The following MACROD2 variants were observed in gnomAD, a reference collection of about 807,000 sequenced individuals.
MACROD2 encodes mono-ADP ribosylhydrolase 2.
In MACROD2, 36 loss-of-function variants were observed where a neutral mutation model predicts 70.4. That is an observed-to-expected ratio of 0.51 (90% CI 0.39 to 0.68). The LOEUF (loss-of-function observed/expected upper bound fraction) is 0.68, where lower values mean the gene tolerates loss of function less well. MACROD2 is among the 30% of genes least tolerant of loss of function. MACROD2 has a pLI of 0.00. For synonymous variants in MACROD2, 172 were observed against 178.8 expected (o/e 0.96, Z 0.30); for missense variants, 496 against 538.4 (o/e 0.92, Z 0.78).
At chr20:14,974,641 G>A (rs2074721944) in intron 5 of MACROD2, among the ~76,000 whole-genome samples, 1 of 151,836 alleles carries the variant, frequency 6.6e-6, no homozygotes, top group South Asian at 2.1e-4. Context: ...ATTGCAGGAA[G>A]TGACCTCTAG....
chr20:14,653,520 A>AAT (rs1985803670), intron 4 of MACROD2, among the ~76,000 whole-genome samples: 1 of 132,268 alleles, frequency 7.6e-6, no homozygotes, highest in Non-Finnish European at 1.5e-5. Context: ...GCCCGGCTGC[A>AAT]ATTTTTTTTT....
chr20:15,408,298 G>A (rs533540505), intron 6 of MACROD2, among the ~76,000 whole-genome samples: 10 of 152,240 alleles, frequency 6.6e-5, no homozygotes, highest in African/African-American at 1.7e-4. Flanking sequence ...TGGCATCAAC[G>A]GACGACAGGT....
intron 3 of MACROD2, among the ~76,000 whole-genome samples, chr20:14,219,400 GCTAT>G (rs1346923217): frequency 6.6e-6 from 1 of 151,284 alleles, no homozygotes; most frequent in East Asian, 1.9e-4. Flanking sequence ...TTTTCTTTAA[GCTAT>G]CTATTTCCTT....
At chr20:15,923,471 G>A (rs2065442746) in intron 10 of MACROD2, among the ~76,000 whole-genome samples, 1 of 152,146 alleles carries the variant, frequency 6.6e-6, no homozygotes, top group South Asian at 2.1e-4. Context: ...TACAATTCAA[G>A]TTGAGATTTA....
In MACROD2 at chr20:14,298,098, C is replaced by T. The variant is rs955595132; in HGVS notation, c.272-195381C>T. Among the ~76,000 whole-genome samples, 10 of 152,026 alleles carry T rather than the reference C, an allele frequency of 6.6e-5. 1 individual carries two copies. The highest frequency in any genetic ancestry group is 1.9e-4 in the African/African-American group (8 of 41,340). On this transcript the variant is annotated intron_variant, in intron 3 of 17. Coordinates refer to ENST00000684519, the MANE Select transcript of MACROD2 (RefSeq NM_001351661.2). ...TTTAAGTCCTCTATTGAGACCTACT[C>T]CTGAGAAAGAAAGATTATTTTCAAA...
At chr20:14,427,769 A>G (rs2083950070) in intron 3 of MACROD2, among the ~76,000 whole-genome samples, 1 of 152,102 alleles carries the variant, frequency 6.6e-6, no homozygotes, top group South Asian at 2.1e-4. Flanking sequence ...TCCATGTCAA[A>G]TGGCAGAGCT....
intron 5 of MACROD2, among the ~76,000 whole-genome samples, chr20:14,756,873 TC>T (rs945228004): frequency 6.6e-6 from 1 of 152,070 alleles, no homozygotes; most frequent in Non-Finnish European, 1.5e-5. Context: ...GTGAGTGAGT[TC>T]TCGTGGGATC....
At chr20:14,035,372 G>T (rs909609889) in intron 2 of MACROD2, among the ~76,000 whole-genome samples, 2 of 152,172 alleles carry the variant, frequency 1.3e-5, no homozygotes, top group African/African-American at 4.8e-5. Context: ...TTCAGGGAAA[G>T]TAGCCTACTA....
intron 3 of MACROD2, among the ~76,000 whole-genome samples, chr20:14,345,162 C>T (rs1257886258): frequency 6.6e-6 from 1 of 152,140 alleles, no homozygotes; most frequent in Non-Finnish European, 1.5e-5. Flanking sequence ...ATTTTTAAAA[C>T]ATTTGCCTGA....
intron 3 of MACROD2, among the ~76,000 whole-genome samples, chr20:14,463,536 C>G (rs1316565458): frequency 6.6e-6 from 1 of 151,990 alleles, no homozygotes; most frequent in African/African-American, 2.4e-5. Context: ...TTTCCTTCTC[C>G]TGCCTGATTG....
intron 2 of MACROD2, among the ~76,000 whole-genome samples, chr20:14,029,876 A>G (rs994417957): frequency 6.6e-6 from 1 of 152,172 alleles, no homozygotes; most frequent in African/African-American, 2.4e-5. Flanking sequence ...AACACCATTG[A>G]GTTTCTTTCT....
At chr20:14,193,782 C>T (rs1268593646) in intron 3 of MACROD2, among the ~76,000 whole-genome samples, 1 of 152,148 alleles carries the variant, frequency 6.6e-6, no homozygotes, top group African/African-American at 2.4e-5. Context: ...CCCATTGGCT[C>T]AATTGGAACG....
At chr20:15,174,095 A>G (rs1464980347) in intron 5 of MACROD2, among the ~76,000 whole-genome samples, 2 of 152,168 alleles carry the variant, frequency 1.3e-5, no homozygotes, top group African/African-American at 4.8e-5. Context: ...TTAAATCATG[A>G]TTTTCCTAAT....
At chr20:14,328,151 T>A (rs1049545807) in intron 3 of MACROD2, among the ~76,000 whole-genome samples, 2 of 152,270 alleles carry the variant, frequency 1.3e-5, no homozygotes, top group African/African-American at 4.8e-5. Flanking sequence ...TAATGTCATT[T>A]CATTTTCTTT....
chr20:14,154,389 C>CT (rs1183052263), intron 3 of MACROD2, among the ~76,000 whole-genome samples: 9,867 of 136,406 alleles, frequency 0.072, 420 homozygotes, highest in African/African-American at 0.11. Context: ...CTTTTCTTTT[C>CT]TTTTTTTTTT....
At chr20:14,283,642 G>T (rs1328241837) in intron 3 of MACROD2, among the ~76,000 whole-genome samples, 1 of 152,082 alleles carries the variant, frequency 6.6e-6, no homozygotes, top group Non-Finnish European at 1.5e-5. Context: ...TTAATGTGGA[G>T]ACAAAAGGGA....
chr20:15,192,263 T>C (rs981101194), intron 5 of MACROD2, among the ~76,000 whole-genome samples: 9 of 152,170 alleles, frequency 5.9e-5, no homozygotes, highest in African/African-American at 1.9e-4. Context: ...ACCTTCTGGG[T>C]TGGCTTTCCA....
chr20:15,693,215 A>T (rs1209944569), intron 8 of MACROD2, among the ~76,000 whole-genome samples: 1 of 152,172 alleles, frequency 6.6e-6, no homozygotes, highest in African/African-American at 2.4e-5. Context: ...TTTGATTCAA[A>T]CTGACAATTT....
chr20:15,863,600 T>C (rs961062098), intron 9 of MACROD2, among the ~76,000 whole-genome samples: 1 of 152,240 alleles, frequency 6.6e-6, no homozygotes, highest in Non-Finnish European at 1.5e-5. Context: ...AATTTCAAGC[T>C]ACTGTGAGCA....
Sources: allele counts gnomAD v4.1 joint callset (sites outside exome capture counted in the v4.1 genomes callset), GRCh38; gene constraint gnomAD v4.1.1; transcripts MANE v1.5; gene names NCBI Gene and HGNC (gene_info 2026-07-23, HGNC 2026-07-21).